CD7: variants seen among roughly 807,000 people sequenced by gnomAD.
CD7 encodes the protein CD7 molecule.
Under a neutral mutation model 17.6 loss-of-function variants are expected in CD7, and 19 were observed. The observed-to-expected ratio is 1.08, with a 90% CI of 0.75 to 1.58. The LOEUF is 1.58. Ranked by LOEUF, CD7 falls within the 40% of genes most tolerant of loss-of-function variation. The probability of loss-of-function intolerance (pLI) is 0.00; values close to 1 mark genes in which losing one functional copy is unlikely to be tolerated. For missense variants in CD7, 291 were observed against 327.1 expected, an observed-to-expected ratio of 0.89 and a Z score of 0.85; for synonymous variants, 160 against 159.8, an observed-to-expected ratio of 1.00 and a Z score of -0.01.
intron 3 of CD7, 187 bp from the exon 4 acceptor site, chr17:82,315,618 G>A: frequency 1.7e-6 from 1 of 583,258 alleles, no homozygotes; most frequent in South Asian, 2.0e-5. Flanking sequence ...TCGGACCCTG[G>A]GGTGCCTCTG....
chr17:82,315,397 G>A lies in CD7; in HGVS notation c.647C>T (p.Ser216Leu), dbSNP rs779224116. Residue 216 changes from serine to leucine, a missense_variant, in exon 4 of 4, where the codon TCG (serine) becomes TTG (leucine). Coordinates refer to ENST00000312648, the MANE Select transcript of CD7 (RefSeq NM_006137.7). ...GTCCTCGTACACCACACATGCCGCCGAATTCTTATCCCGCCACGAGCACAG... is the reference window on the plus strand; with the variant it reads ...GTCCTCGTACACCACACATGCCGCCAAATTCTTATCCCGCCACGAGCACAG... ...KKLCSWRDKN[S>L]AACVVYEDMS... The A allele has an allele frequency of 5.0e-6, 8 of 1,613,262 alleles. No homozygotes were observed. The highest frequency in any genetic ancestry group is 6.8e-6 in the Non-Finnish European group (8 of 1,179,770).
At chr17:82,317,010 G>T (rs1239831402) in intron 1 of CD7, 29 bp from the exon 2 acceptor site, 1 of 1,545,346 alleles carries the variant, frequency 6.5e-7, no homozygotes. Context: ...GTCACCATCA[G>T]TCTGGCCAGA....
Position 82,315,400 on chromosome 17 carries a change from T to C in CD7, c.644A>G (p.Asn215Ser), listed in dbSNP as rs746600212. The change falls in exon 4 of 4, where the codon AAT becomes AGT. Residue 215 changes from asparagine (N) to serine (S), a missense_variant. Coordinates refer to ENST00000312648, the MANE Select transcript of CD7 (RefSeq NM_006137.7). Reference protein sequence around the residue: ...IKKLCSWRDKNSAACVVYEDM... With the variant: ...IKKLCSWRDKSSAACVVYEDM... Reference sequence around the variant, plus strand: ...CTCGTACACCACACATGCCGCCGAATTCTTATCCCGCCACGAGCACAGTTT... The same window carrying C: ...CTCGTACACCACACATGCCGCCGAACTCTTATCCCGCCACGAGCACAGTTT... 6.2e-6 allele frequency: 10 copies of C among 1,613,398 alleles called. No individual in the cohort carries two copies. The East Asian group carries it at 2.2e-4, about 36-fold the overall frequency.
Position 82,316,249 on chromosome 17 carries a change from G to A in CD7, c.558C>T (p.Ile186=), listed in dbSNP as rs1268229599. 4 of 1,574,708 alleles carry A rather than the reference G, an allele frequency of 2.5e-6. No individual in the cohort carries two copies. In the Admixed American group the frequency reaches 5.5e-5, roughly 22 times the overall value. ...CCAGGCCCAGCCCGAGGAGGAAGGA[G>A]ATCACCGCCAGGGCCGCAGGGAGGG... The part of the protein sequence containing the change: ...ASALPAALAV[I]SFLLGLGLGV... The change falls in exon 3 of 4, where the codon ATC becomes ATT. Residue 186 remains isoleucine (I), a synonymous_variant. Coordinates refer to ENST00000312648, the MANE Select transcript of CD7 (RefSeq NM_006137.7).
In CD7 at chr17:82,315,338, G is replaced by A; in HGVS notation, c.706C>T (p.Pro236Ser). 2.5e-6 allele frequency: 4 copies of A among 1,612,884 alleles called. No homozygotes were observed. The highest frequency in any genetic ancestry group is 3.4e-6 in the Non-Finnish European group (4 of 1,179,298). ...CCACTGGGTCACTGGTACTGGTTGG[G>A]GGAGGACAGCGTGTTGCAGCGGCTG... Reference protein sequence around the residue: ...SHSRCNTLSSPNQYQ With the variant: ...SHSRCNTLSSSNQYQ Residue 236 changes from proline to serine, a missense_variant, in exon 4 of 4, where the codon CCC (proline) becomes TCC (serine). Physicochemically the swap from Pro to Ser is moderately conservative, Grantham distance 74. Coordinates refer to ENST00000312648, the MANE Select transcript of CD7 (RefSeq NM_006137.7).
In CD7 at chr17:82,315,421, A is replaced by G. The variant is rs531772666; in HGVS notation, c.623T>C (p.Leu208Pro). The change falls in exon 4 of 4, where the codon CTG becomes CCG. Residue 208 changes from leucine (L) to proline (P), a missense_variant. Coordinates refer to ENST00000312648, the MANE Select transcript of CD7 (RefSeq NM_006137.7). ...CGAATTCTTATCCCGCCACGAGCAC[A>G]GTTTCTTTATCTGAAAGACAGAACC... ...CVLARTQIKK[L>P]CSWRDKNSAA... 6 of 1,613,668 alleles carry G rather than the reference A, an allele frequency of 3.7e-6. No individual in the cohort carries two copies. In the African/African-American group the frequency reaches 4.0e-5, roughly 11 times the overall value.
Position 82,315,433 on chromosome 17 carries a change from T to G in CD7, c.613-2A>C, listed in dbSNP as rs1450117013. ...CCGCCACGAGCACAGTTTCTTTATC[T>G]GAAAGACAGAACCGCCGTCTCCAAC... On this transcript the variant is annotated splice_acceptor_variant, in intron 3 of 3. Coordinates refer to ENST00000312648, the MANE Select transcript of CD7 (RefSeq NM_006137.7). LOFTEE classifies it high-confidence loss of function. The G allele has an allele frequency of 1.2e-6, 2 of 1,612,326 alleles. No individual in the cohort carries two copies. Among genetic ancestry groups the G allele is most frequent in the African/African-American group, 2.7e-5 (2 of 74,860 alleles).
chr17:82,316,493 G>A, intron 2 of CD7, 84 bp from the exon 3 acceptor site: 1 of 1,338,318 alleles, frequency 7.5e-7, no homozygotes, highest in Non-Finnish European at 1.0e-6. Flanking sequence ...GGCAGGGAAA[G>A]GCTGTGGAGG....
chr17:82,317,469 C>T lies in CD7; in HGVS notation c.27G>A (p.Leu9=), dbSNP rs763573567. The change falls in exon 1 of 4, where the codon CTG becomes CTA. Residue 9 remains leucine, a synonymous_variant. Coordinates refer to ENST00000312648, the MANE Select transcript of CD7 (RefSeq NM_006137.7). ...GAGCCAGCGCCAGAAGCAGGGGCAG[C>T]AGCAGGAGCCTCGGAGGCCCGGCCA... The part of the protein sequence containing the change: MAGPPRLL[L]LPLLLALARG... 1 of 1,573,590 alleles carries T rather than the reference C, an allele frequency of 6.4e-7. No individual in the cohort carries two copies. The highest frequency in any genetic ancestry group is 1.8e-5 in the Admixed American group (1 of 55,396).
Position 82,316,264 on chromosome 17 carries a change from C to T in CD7, c.543G>A (p.Ala181=), listed in dbSNP as rs551520887. ...PDPPAASALP[A]ALAVISFLLG... is the part of the protein sequence containing the mutation. The stretch of plus-strand genomic sequence containing the variant: ...GGAGGAAGGAGATCACCGCCAGGGC[C>T]GCAGGGAGGGCAGAGGCTGCTGGCG... Residue 181 remains alanine (A), a synonymous_variant, in exon 3 of 4, where the codon GCG becomes GCA. Coordinates refer to ENST00000312648, the MANE Select transcript of CD7 (RefSeq NM_006137.7). The T allele has an allele frequency of 2.0e-5, 32 of 1,575,826 alleles. No individual in the cohort carries two copies. In the East Asian group the frequency reaches 5.3e-4, roughly 26 times the overall value.
In CD7 at chr17:82,317,482, G is replaced by A. The variant is rs766003973; in HGVS notation, c.14C>T (p.Pro5Leu). 8.3e-6 allele frequency: 13 copies of A among 1,568,712 alleles called. No individual in the cohort carries two copies. In the African/African-American group the frequency reaches 1.2e-4, roughly 15 times the overall value. The change falls in exon 1 of 4, where the codon CCG (proline) becomes CTG (leucine). Residue 5 changes from proline (P) to leucine (L), a missense_variant. By Grantham distance (98) the Pro-to-Leu change is moderately conservative. Transcript: ENST00000312648. Reference sequence around the variant, plus strand: ...AAGCAGGGGCAGCAGCAGGAGCCTCGGAGGCCCGGCCATGTTCCCCACACC... The same window carrying A: ...AAGCAGGGGCAGCAGCAGGAGCCTCAGAGGCCCGGCCATGTTCCCCACACC... MAGP[P>L]RLLLLPLLLA...
At chr17:82,315,971 G>A (rs1279536543) in intron 3 of CD7, 3 of 652,226 alleles carry the variant, frequency 4.6e-6, no homozygotes, top group East Asian at 2.7e-5. Context: ...GCGCACACGC[G>A]CACACGCGGG....
At chr17:82,315,764 C>A in intron 3 of CD7, 1 of 557,396 alleles carries the variant, frequency 1.8e-6, no homozygotes, top group Non-Finnish European at 3.2e-6. Flanking sequence ...GAGGCCCCCT[C>A]CCCTTCCCAC....
Position 82,317,572 on chromosome 17 carries a change from G to A in CD7, c.-77C>T. ...GGTCTACAGGACCCCACAGAGAGCA[G>A]CACACAGGAGACCGCAGGCGCTCAG... is the stretch of plus-strand genomic sequence containing the variant. On this transcript the variant is annotated 5_prime_UTR_variant, in exon 1 of 4. Coordinates refer to ENST00000312648, the MANE Select transcript of CD7 (RefSeq NM_006137.7). 3 of 1,322,674 alleles carry A rather than the reference G, an allele frequency of 2.3e-6. No homozygotes were observed. Among genetic ancestry groups the A allele is most frequent in the Non-Finnish European group, 3.1e-6 (3 of 976,786 alleles). 81.9% of individuals were successfully genotyped at this position (1,322,674 alleles called of 1,614,324 possible).
chr17:82,316,660 T>C lies in CD7; in HGVS notation c.397+7A>G. 6.2e-7 allele frequency: 1 copy of C among 1,608,430 alleles called. No individual in the cohort carries two copies. Among genetic ancestry groups the C allele is most frequent in the Non-Finnish European group, 8.5e-7 (1 of 1,179,746 alleles). ...GGAGGGGGGTCTGGGATGGGCACAT[T>C]CCCTACCTGTCACCAGGACCAGGGT... On this transcript the variant is annotated splice_region_variant and intron_variant, in intron 2 of 3. Coordinates refer to ENST00000312648, the MANE Select transcript of CD7 (RefSeq NM_006137.7).
At position 82,315,449 on chromosome 17, in the gene CD7, C is replaced by A. The variant is rs755297694; in HGVS notation, c.613-18G>T. 3.1e-6 allele frequency: 5 copies of A among 1,599,002 alleles called. No individual in the cohort carries two copies. The highest frequency in any genetic ancestry group is 4.3e-6 in the Non-Finnish European group (5 of 1,166,798). On this transcript the variant is annotated intron_variant, in intron 3 of 3. Coordinates refer to ENST00000312648, the MANE Select transcript of CD7 (RefSeq NM_006137.7). ...TTCTTTATCTGAAAGACAGAACCGC[C>A]GTCTCCAACCAGTGGCCAGCGTGGT...
chr17:82,317,061 A>C (rs748284933), intron 1 of CD7, 80 bp from the exon 2 acceptor site: 12 of 1,325,090 alleles, frequency 9.1e-6, no homozygotes, highest in Admixed American at 2.5e-5. Flanking sequence ...AGTGGTGGGG[A>C]TGGTGGGGCC....
At chr17:82,317,307 C>T in intron 1 of CD7, 107 bp downstream of exon 1, 1 of 1,135,296 alleles carries the variant, frequency 8.8e-7, no homozygotes, top group Admixed American at 2.1e-5. Flanking sequence ...GCTCAGCACC[C>T]CACCCGCTTC....
Position 82,317,416 on chromosome 17 carries a change from T to C in CD7, c.80A>G (p.Gln27Arg), listed in dbSNP as rs1398257646. Residue 27 changes from glutamine to arginine, a missense_variant and splice_region_variant, in exon 1 of 4, where the codon CAA (glutamine) becomes CGA (arginine). Gln to Arg is a conservative substitution (Grantham distance 43, BLOSUM62 1). Transcript: ENST00000312648. ...TGGAGAGCCTGGGAAGCTCTTACCT[T>C]GGGCAGCCAGGGCCCCAGGCAGGCC... ...ARGLPGALAA[Q>R]EVQQSPHCTT... is the part of the protein sequence containing the mutation. 1.9e-6 allele frequency: 3 copies of C among 1,555,554 alleles called. No homozygotes were observed. The highest frequency in any genetic ancestry group is 1.7e-6 in the Non-Finnish European group (2 of 1,151,718).
Sources: allele counts gnomAD v4.1 joint callset, GRCh38; gene constraint gnomAD v4.1.1; transcripts MANE v1.5; gene names NCBI Gene and HGNC (gene_info 2026-07-23, HGNC 2026-07-21).